Variants in FADS6 observed in about 807,000 individuals in gnomAD.
FADS6 encodes the protein fatty acid desaturase 6, also known as fatty acid desaturase domain family, member 6.
Under a neutral mutation model 31.7 loss-of-function variants are expected in FADS6, and 28 were observed. The ratio of observed to expected loss-of-function variants is 0.88; its 90% CI spans 0.66 to 1.21. FADS6 has a LOEUF of 1.21. Ranked by LOEUF, FADS6 falls within the 50% of genes most tolerant of loss-of-function variation. FADS6 has a pLI of 0.00. For missense variants in FADS6, 494 were observed against 504.2 expected (o/e 0.98, Z 0.19); for synonymous variants, 191 against 213.1 (o/e 0.90, Z 0.90).
intron 2 of FADS6, among the ~76,000 whole-genome samples, chr17:74,890,288 C>A (rs1196159169): frequency 6.6e-6 from 1 of 152,156 alleles, no homozygotes; most frequent in Non-Finnish European, 1.5e-5. Context: ...AAGACCAGCA[C>A]CCTCCTCCAG....
Position 74,878,300 on chromosome 17 carries a change from G to C in FADS6, c.*31C>G. The C allele has an allele frequency of 6.3e-7, 1 of 1,597,738 alleles. No individual in the cohort carries two copies. The highest frequency in any genetic ancestry group is 8.5e-7 in the Non-Finnish European group (1 of 1,171,986). The stretch of plus-strand genomic sequence containing the variant: ...AGGAGGGCCAGGGCCAGGCCAGGGA[G>C]GGGCAGGGTGGCTGCACCGGCCCGG... On this transcript the variant is annotated 3_prime_UTR_variant, in exon 6 of 6. Transcript: ENST00000612771.
At position 74,887,172 on chromosome 17, in the gene FADS6, G is replaced by C. The variant is rs78331223; in HGVS notation, c.412-4462C>G. Reference sequence around the variant, plus strand: ...GCTCACAGAAGGCTTGAACTCCCAGGCTCAAGCAATCCTCCTGCCTCAGCA... The same window carrying C: ...GCTCACAGAAGGCTTGAACTCCCAGCCTCAAGCAATCCTCCTGCCTCAGCA... On this transcript the variant is annotated intron_variant, in intron 2 of 5. Transcript: ENST00000612771. 5.2e-3 allele frequency among the ~76,000 whole-genome samples: 794 copies of C among 151,574 alleles called. 56 individuals are homozygous for C. The East Asian group carries it at 0.14, about 26-fold the overall frequency.
At chr17:74,891,101 TTTTC>T (rs747797666) in intron 2 of FADS6, among the ~76,000 whole-genome samples, 2 of 148,956 alleles carry the variant, frequency 1.3e-5, no homozygotes, top group Non-Finnish European at 3.0e-5. Context: ...AGTACAGCTT[TTTTC>T]TTTTTGATTT....
Position 74,889,870 on chromosome 17 carries a change from CAAAAAAA to C in FADS6, c.411+2646_411+2652del, listed in dbSNP as rs59381032. ...TGGGCAACAGAGTGAGACTCAGTCT[CAAAAAAA>C]AAAAAAAAAAAAAAAAAAGACAAAG... On this transcript the variant is annotated intron_variant, in intron 2 of 5. Coordinates refer to ENST00000612771, the MANE Select transcript of FADS6 (RefSeq NM_178128.6). Among the ~76,000 whole-genome samples the C allele has an allele frequency of 5.2e-4, 28 of 53,528 alleles. 1 individual carries two copies. The South Asian group carries it at 5.3e-3, about 10-fold the overall frequency. The allele number at this position is 53,528 out of a possible 152,430, so 35.1% of individuals were successfully genotyped here.
chr17:74,884,201 C>T (rs1217224706), intron 2 of FADS6, among the ~76,000 whole-genome samples: 1 of 152,144 alleles, frequency 6.6e-6, no homozygotes, highest in Non-Finnish European at 1.5e-5. Context: ...GTCCCTCTCT[C>T]ATCCCAAAGG....
intron 1 of FADS6, 78 bp from the exon 2 acceptor site, chr17:74,892,767 T>C (rs1427337935): frequency 1.1e-5 from 15 of 1,408,890 alleles, no homozygotes; most frequent in East Asian, 2.5e-5. Flanking sequence ...ACCCTTACCC[T>C]GGGAGCCCAG....
At chr17:74,886,682 C>T (rs1258206579) in intron 2 of FADS6, among the ~76,000 whole-genome samples, 1 of 152,124 alleles carries the variant, frequency 6.6e-6, no homozygotes, top group Non-Finnish European at 1.5e-5. Flanking sequence ...ACTTAGATTA[C>T]CACCTTTGGC....
chr17:74,881,055 G>T lies in FADS6; in HGVS notation c.780+13C>A. The T allele has an allele frequency of 6.2e-7, 1 of 1,608,488 alleles. No individual in the cohort carries two copies. On this transcript the variant is annotated intron_variant, in intron 4 of 5. Coordinates refer to ENST00000612771, the MANE Select transcript of FADS6 (RefSeq NM_178128.6). ...CCTTAGCTGCCCAGCGCCCCAGGTTGGGGTGGCCTCACCTGGAAGATGTTG... is the reference window on the plus strand; with the variant it reads ...CCTTAGCTGCCCAGCGCCCCAGGTTTGGGTGGCCTCACCTGGAAGATGTTG...
Position 74,881,174 on chromosome 17 carries a change from A to G in FADS6, c.674T>C (p.Leu225Pro). 1.2e-6 allele frequency: 2 copies of G among 1,613,058 alleles called. No individual in the cohort carries two copies. Among genetic ancestry groups the G allele is most frequent in the Non-Finnish European group, 8.5e-7 (1 of 1,179,498 alleles). The change falls in exon 4 of 6, where the codon CTG (leucine) becomes CCG (proline). Residue 225 changes from leucine to proline, a missense_variant. By Grantham distance (98) the Leu-to-Pro change is moderately conservative. Transcript: ENST00000612771. ...CTTGAAGCCTGACACGTTCAGGAGC[A>G]GCCAGTAGTGAGAATAAAGGCCCAG... The part of the protein sequence containing the change: ...ISLGLYSHYW[L>P]LLNVSGFKNP...
chr17:74,884,527 G>A (rs751318850), intron 2 of FADS6, among the ~76,000 whole-genome samples: 8 of 152,260 alleles, frequency 5.3e-5, no homozygotes, highest in East Asian at 3.9e-4. Context: ...CGGGCTCAGC[G>A]TTCTGCAGGC....
chr17:74,879,504 G>T lies in FADS6; in HGVS notation c.860C>A (p.Ala287Asp). 1 of 1,613,806 alleles carries T rather than the reference G, an allele frequency of 6.2e-7. No individual in the cohort carries two copies. ...HMMSLGVLNLARLPVLDWAFG... is the reference protein window; with the variant it reads ...HMMSLGVLNLDRLPVLDWAFG... ...CGCCCAGTCCAGCACGGGCAGCCGGGCCAGGTTAAGCACCCCCAGGCTCAT... is the reference window on the plus strand; with the variant it reads ...CGCCCAGTCCAGCACGGGCAGCCGGTCCAGGTTAAGCACCCCCAGGCTCAT... The change falls in exon 5 of 6, where the codon GCC becomes GAC. Residue 287 changes from alanine to aspartate, a missense_variant. By Grantham distance (126) the Ala-to-Asp change is moderately radical. This residue lies in a region of FADS6 where 454 missense variants were observed against 438.5 expected (regional missense o/e 1.04). Coordinates refer to ENST00000612771, the MANE Select transcript of FADS6 (RefSeq NM_178128.6).
In FADS6 at chr17:74,878,461, G is replaced by T; in HGVS notation, c.977C>A (p.Ser326Tyr). The T allele has an allele frequency of 6.2e-7, 1 of 1,613,976 alleles. No homozygotes were observed. The highest frequency in any genetic ancestry group is 8.5e-7 in the Non-Finnish European group (1 of 1,179,856). The part of the protein sequence containing the change: ...NMCLKVKPVV[S>Y]QFLREKQLPY... ...TAGCTGCTTCTCACGTAGGAACTGG[G>T]ACACCACGGGCTTCACCTGGTGGAA... Residue 326 changes from serine (S) to tyrosine (Y), a missense_variant, in exon 6 of 6, where the codon TCC becomes TAC. Physicochemically the swap from Ser to Tyr is moderately radical, Grantham distance 144 (BLOSUM62 -2). Transcript: ENST00000612771.
rs2038523947 is a variant in FADS6 at position 74,877,950 on chromosome 17, G to A, written c.*381C>T. ...AGGGAGCTGACCCTGTTCTCTCTGTGCCCCCTGCTATCTCCCAGGTGGCCC... is the reference window on the plus strand; with the variant it reads ...AGGGAGCTGACCCTGTTCTCTCTGTACCCCCTGCTATCTCCCAGGTGGCCC... On this transcript the variant is annotated 3_prime_UTR_variant, in exon 6 of 6. Coordinates refer to ENST00000612771, the MANE Select transcript of FADS6 (RefSeq NM_178128.6). The A allele has an allele frequency of 9.9e-6, 10 of 1,005,932 alleles. No homozygotes were observed. Among genetic ancestry groups the A allele is most frequent in the Non-Finnish European group, 1.2e-5 (10 of 843,770 alleles). 62.3% of individuals were successfully genotyped at this position (1,005,932 alleles called of 1,614,324 possible). A position where few individuals can be genotyped will look rare whatever the true frequency, so the allele number is the denominator to read the frequency against.
At chr17:74,893,234 A>C in intron 1 of FADS6, 118 bp downstream of exon 1, 1 of 1,169,310 alleles carries the variant, frequency 8.6e-7, no homozygotes, top group Non-Finnish European at 1.1e-6. Context: ...TGCCGCCGCC[A>C]GTCCACTCCG....
intron 3 of FADS6, among the ~76,000 whole-genome samples, chr17:74,881,630 A>G (rs939503382): frequency 6.6e-6 from 1 of 151,166 alleles, no homozygotes; most frequent in Non-Finnish European, 1.5e-5. Flanking sequence ...TGATCCTTCC[A>G]CTTCAGCCCC....
At chr17:74,891,744 C>T (rs543903144) in intron 2 of FADS6, among the ~76,000 whole-genome samples, 1 of 152,246 alleles carries the variant, frequency 6.6e-6, no homozygotes, top group African/African-American at 2.4e-5. Context: ...AGTTATATAA[C>T]TTTATAAAAA....
chr17:74,880,515 C>T (rs989270279), intron 4 of FADS6, among the ~76,000 whole-genome samples: 6 of 151,984 alleles, frequency 3.9e-5, no homozygotes, highest in African/African-American at 1.5e-4. Context: ...CCACTATGCC[C>T]AGCTAATTTT....
intron 2 of FADS6, among the ~76,000 whole-genome samples, chr17:74,885,337 C>T (rs2038612521): frequency 6.6e-6 from 1 of 151,808 alleles, no homozygotes; most frequent in South Asian, 2.1e-4. Context: ...TATTACATTT[C>T]ATCCTGAGAT....
intron 1 of FADS6, among the ~76,000 whole-genome samples, 181 bp downstream of exon 1, chr17:74,893,171 C>A (rs1374993072): frequency 6.7e-6 from 1 of 149,868 alleles, no homozygotes; most frequent in African/African-American, 2.5e-5. Context: ...CTCTCAGGTT[C>A]GGGGTGTGAC....
Sources: allele counts gnomAD v4.1 joint callset (sites outside exome capture counted in the v4.1 genomes callset), GRCh38; gene constraint gnomAD v4.1.1; regional missense constraint gnomAD v4.1.1; transcripts MANE v1.5; gene names NCBI Gene and HGNC (gene_info 2026-07-23, HGNC 2026-07-21).